SEPTIN7: variants seen among roughly 807,000 people sequenced by gnomAD.
SEPTIN7 encodes the protein septin 7.
In SEPTIN7, 10 loss-of-function variants were observed where a neutral mutation model predicts 63.3. The observed-to-expected ratio is 0.16, with a 90% confidence interval of 0.10 to 0.27. The LOEUF (loss-of-function observed/expected upper bound fraction) is 0.27. Ranked by LOEUF, SEPTIN7 falls within the 10% of genes least tolerant of loss-of-function variation. SEPTIN7 has a pLI of 1.00. For synonymous variants in SEPTIN7, 131 were observed against 165.3 expected, an observed-to-expected ratio of 0.79 and a Z score of 1.59; for missense variants, 310 against 521.0, an observed-to-expected ratio of 0.59 and a Z score of 3.94.
chr7:35,859,515 C>T (rs1263261368), intron 3 of SEPTIN7, among the ~76,000 whole-genome samples: 3 of 152,164 alleles, frequency 2.0e-5, no homozygotes, highest in Admixed American at 6.5e-5. Context: ...AGTTGATTTA[C>T]AGTTTTCTTC....
chr7:35,818,006 C>T (rs1257346520), intron 1 of SEPTIN7, among the ~76,000 whole-genome samples: 2 of 151,860 alleles, frequency 1.3e-5, no homozygotes, highest in East Asian at 3.9e-4. Flanking sequence ...TACCAAATGC[C>T]TTTTCTGGAA....
chr7:35,803,268 T>A (rs1288136344), intron 1 of SEPTIN7: 1 of 366,356 alleles, frequency 2.7e-6, no homozygotes, highest in Non-Finnish European at 3.8e-6. Flanking sequence ...GATTTGCACA[T>A]TGTCCCGTAG....
chr7:35,877,704 A>T lies in SEPTIN7; in HGVS notation c.513-2119A>T, dbSNP rs1184239725. On this transcript the variant is annotated intron_variant, in intron 6 of 13. Coordinates refer to ENST00000350320, the MANE Select transcript of SEPTIN7 (RefSeq NM_001788.6). ...ACTTCGGTTCTCATTTAGAATTACT[A>T]AAGGACATAACGAAAATCACAGCAG... Among the ~76,000 whole-genome samples, 3 of 152,244 alleles carry T rather than the reference A, an allele frequency of 2.0e-5. No individual in the cohort carries two copies. The East Asian group carries it at 5.8e-4, about 29-fold the overall frequency.
At chr7:35,807,882 G>A (rs1481804242) in intron 1 of SEPTIN7, among the ~76,000 whole-genome samples, 2 of 151,872 alleles carry the variant, frequency 1.3e-5, no homozygotes, top group Non-Finnish European at 2.9e-5. Context: ...CAGGCTAGTG[G>A]CATGATCGTG....
At chr7:35,842,978 A>G (rs544853660) in intron 3 of SEPTIN7, among the ~76,000 whole-genome samples, 1 of 152,264 alleles carries the variant, frequency 6.6e-6, no homozygotes, top group Non-Finnish European at 1.5e-5. Context: ...ATATAAGTGC[A>G]CACTTAAATC....
chr7:35,834,978 A>T (rs1175448216), intron 3 of SEPTIN7, among the ~76,000 whole-genome samples: 1 of 151,676 alleles, frequency 6.6e-6, no homozygotes, highest in Non-Finnish European at 1.5e-5. Flanking sequence ...TTTTTTTTTT[A>T]TTAAACTCTT....
At chr7:35,812,328 ATTTT>A (rs1323416018) in intron 1 of SEPTIN7, among the ~76,000 whole-genome samples, 1 of 117,144 alleles carries the variant, frequency 8.5e-6, no homozygotes, top group Non-Finnish European at 1.8e-5. Context: ...CCACCCCCCC[ATTTT>A]TTTTTTTTAA....
At chr7:35,856,116 A>G (rs1785190445) in intron 3 of SEPTIN7, among the ~76,000 whole-genome samples, 1 of 152,208 alleles carries the variant, frequency 6.6e-6, no homozygotes, top group Non-Finnish European at 1.5e-5. Context: ...GATTTCACAT[A>G]TATTACCTAA....
At chr7:35,902,316 T>C (rs1430081421) in intron 12 of SEPTIN7, 2 of 152,100 alleles carry the variant, frequency 1.3e-5, no homozygotes. Context: ...TTACTTCGCA[T>C]GAGTGTTTAC....
chr7:35,901,791 A>G (rs771927210), intron 12 of SEPTIN7: 1 of 152,102 alleles, frequency 6.6e-6, no homozygotes, highest in Non-Finnish European at 1.5e-5. Context: ...AATTGTGTAT[A>G]TGTGACTCTT....
intron 1 of SEPTIN7, among the ~76,000 whole-genome samples, chr7:35,810,770 A>AG (rs1788651511): frequency 6.7e-6 from 1 of 149,470 alleles, no homozygotes; most frequent in African/African-American, 2.5e-5. Flanking sequence ...TGAGTTAATG[A>AG]GTTTTTTTTT....
At chr7:35,842,981 C>T (rs1784484524) in intron 3 of SEPTIN7, among the ~76,000 whole-genome samples, 1 of 152,056 alleles carries the variant, frequency 6.6e-6, no homozygotes, top group Non-Finnish European at 1.5e-5. Context: ...TAAGTGCACA[C>T]TTAAATCTCC....
intron 1 of SEPTIN7, among the ~76,000 whole-genome samples, chr7:35,814,458 T>C (rs1366190565): frequency 6.6e-6 from 1 of 151,774 alleles, no homozygotes; most frequent in Admixed American, 6.6e-5. Flanking sequence ...ATTTTTAAAT[T>C]AGGTTATTTG....
At chr7:35,807,898 C>T (rs1330560533) in intron 1 of SEPTIN7, among the ~76,000 whole-genome samples, 1 of 152,014 alleles carries the variant, frequency 6.6e-6, no homozygotes, top group Non-Finnish European at 1.5e-5. Flanking sequence ...TCGTGGCTCA[C>T]TGCAACCTCT....
intron 1 of SEPTIN7, among the ~76,000 whole-genome samples, chr7:35,821,196 G>T (rs1789390695): frequency 6.6e-6 from 1 of 152,182 alleles, no homozygotes; most frequent in Admixed American, 6.5e-5. Context: ...TTTTACCAAG[G>T]CTCAGCCCCT....
At chr7:35,909,582 A>G (rs1788702449), downstream of SEPTIN7, among the ~76,000 whole-genome samples, 1 of 152,214 alleles carries the variant, frequency 6.6e-6, no homozygotes, top group Non-Finnish European at 1.5e-5. Context: ...GGGAGAGAGA[A>G]CTCACTTTGA....
chr7:35,809,085 A>G (rs1383999745), intron 1 of SEPTIN7, among the ~76,000 whole-genome samples: 4 of 152,216 alleles, frequency 2.6e-5, no homozygotes, highest in Non-Finnish European at 5.9e-5. Context: ...TATTGCTGTT[A>G]AGTCATTAGT....
intron 9 of SEPTIN7, among the ~76,000 whole-genome samples, chr7:35,885,550 A>T (rs186351509): frequency 6.6e-6 from 1 of 152,204 alleles, no homozygotes; most frequent in East Asian, 1.9e-4. Flanking sequence ...CAATAATAAG[A>T]TTTCCCCTTT....
At chr7:35,840,343 T>C (rs1784352096) in intron 3 of SEPTIN7, among the ~76,000 whole-genome samples, 1 of 149,480 alleles carries the variant, frequency 6.7e-6, no homozygotes, top group Non-Finnish European at 1.5e-5. Context: ...CCTGCAGCCT[T>C]GAGCCCCTGG....
Sources: allele counts gnomAD v4.1 joint callset (sites outside exome capture counted in the v4.1 genomes callset), GRCh38; gene constraint gnomAD v4.1.1; transcripts MANE v1.5; gene names NCBI Gene and HGNC (gene_info 2026-07-23, HGNC 2026-07-21).